ZNF423: variants seen among roughly 807,000 people sequenced by gnomAD.
The protein encoded by ZNF423 is Ebf-associated zinc finger protein.
Under a neutral mutation model 95.8 loss-of-function variants are expected in ZNF423, and 12 were observed. The ratio of observed to expected loss-of-function variants is 0.13; its 90% CI spans 0.08 to 0.20. The LOEUF (loss-of-function observed/expected upper bound fraction) is 0.20. ZNF423 is among the 10% of genes least tolerant of loss of function. The pLI, the probability that ZNF423 is intolerant of heterozygous loss-of-function variation, is 1.00. For synonymous variants in ZNF423, 749 were observed against 711.9 expected (o/e 1.05, Z -0.83); for missense variants, 1,316 against 1,737.1 (o/e 0.76, Z 4.31).
intron 5 of ZNF423, among the ~76,000 whole-genome samples, chr16:49,526,028 G>A (rs1277382133): frequency 6.6e-6 from 1 of 152,150 alleles, no homozygotes; most frequent in Non-Finnish European, 1.5e-5. Flanking sequence ...AGGAGGTGAT[G>A]TGAATACATG....
At chr16:49,723,516 C>T (rs368569835) in intron 3 of ZNF423, among the ~76,000 whole-genome samples, 3 of 152,120 alleles carry the variant, frequency 2.0e-5, no homozygotes, top group African/African-American at 7.2e-5. Context: ...GTGTCCCTGG[C>T]TTGATTTACT....
At chr16:49,727,469 C>T (rs949453854) in intron 3 of ZNF423, among the ~76,000 whole-genome samples, 2 of 148,160 alleles carry the variant, frequency 1.3e-5, no homozygotes, top group East Asian at 2.0e-4. Flanking sequence ...GGGAGCAAAA[C>T]GCTGCCCCCA....
At chr16:49,677,753 CAAAAA>C (rs776853564) in intron 3 of ZNF423, among the ~76,000 whole-genome samples, 4 of 84,696 alleles carry the variant, frequency 4.7e-5, no homozygotes, top group African/African-American at 1.1e-4. Flanking sequence ...GACCCTGTCT[CAAAAA>C]AAAAAAAAAA....
chr16:49,790,310 A>G (rs1280993226), intron 1 of ZNF423, among the ~76,000 whole-genome samples: 1 of 152,244 alleles, frequency 6.6e-6, no homozygotes, highest in African/African-American at 2.4e-5. Context: ...TGAAGCCACC[A>G]TGAACCACCC....
chr16:49,651,619 C>T (rs984191772), intron 3 of ZNF423, among the ~76,000 whole-genome samples: 22 of 152,182 alleles, frequency 1.4e-4, no homozygotes, highest in African/African-American at 5.1e-4. Flanking sequence ...GATGGAGAAA[C>T]CTGTCTCAGT....
At chr16:49,527,495 C>G (rs1968661536) in intron 5 of ZNF423, among the ~76,000 whole-genome samples, 1 of 152,096 alleles carries the variant, frequency 6.6e-6, no homozygotes, top group Non-Finnish European at 1.5e-5. Flanking sequence ...CCTGCACAAA[C>G]AACATTGCCC....
chr16:49,732,783 GC>G (rs1454039359), intron 2 of ZNF423, among the ~76,000 whole-genome samples: 1 of 152,182 alleles, frequency 6.6e-6, no homozygotes, highest in African/African-American at 2.4e-5. Flanking sequence ...CACAGAACAT[GC>G]CCTTCCAAGC....
chr16:49,815,513 G>A (rs951472612), intron 1 of ZNF423, among the ~76,000 whole-genome samples: 2 of 152,158 alleles, frequency 1.3e-5, no homozygotes, highest in Non-Finnish European at 2.9e-5. Flanking sequence ...GCACAGGGAA[G>A]TGGTATGACG....
chr16:49,771,546 G>T (rs2034035427), intron 2 of ZNF423, among the ~76,000 whole-genome samples: 1 of 152,126 alleles, frequency 6.6e-6, no homozygotes, highest in African/African-American at 2.4e-5. Flanking sequence ...TGTGTTGTGG[G>T]AGGGACCCTG....
intron 5 of ZNF423, among the ~76,000 whole-genome samples, chr16:49,579,267 C>T (rs12931370): frequency 7.1e-6 from 1 of 141,542 alleles, no homozygotes; most frequent in Non-Finnish European, 1.5e-5. Flanking sequence ...TAGCTGCCTA[C>T]CCTCCAGAAG....
chr16:49,712,115 G>A (rs1015559433), intron 3 of ZNF423, among the ~76,000 whole-genome samples: 33 of 152,032 alleles, frequency 2.2e-4, no homozygotes, highest in East Asian at 3.9e-4. Context: ...AGACCCTGTC[G>A]CTATTTAAAA....
intron 3 of ZNF423, among the ~76,000 whole-genome samples, chr16:49,642,057 A>G (rs1459385399): frequency 6.6e-6 from 1 of 152,254 alleles, no homozygotes; most frequent in Non-Finnish European, 1.5e-5. Context: ...AATAATAAGA[A>G]TTAGTACTAA....
intron 5 of ZNF423, among the ~76,000 whole-genome samples, chr16:49,600,502 C>G (rs1362974028): frequency 1.3e-5 from 2 of 152,056 alleles, no homozygotes; most frequent in African/African-American, 4.8e-5. Flanking sequence ...TAACCAGCCT[C>G]ACAATTCTAA....
chr16:49,751,480 G>A (rs2033632549), intron 2 of ZNF423, among the ~76,000 whole-genome samples: 1 of 152,156 alleles, frequency 6.6e-6, no homozygotes, highest in South Asian at 2.1e-4. Context: ...ACTTTGGGAG[G>A]CAGAGATGGG....
chr16:49,776,326 C>T (rs988377246), intron 2 of ZNF423, among the ~76,000 whole-genome samples: 2 of 152,138 alleles, frequency 1.3e-5, no homozygotes, highest in African/African-American at 4.8e-5. Context: ...GGTGGGGAGG[C>T]GATGCCCTGC....
At chr16:49,554,509 G>A (rs1232241472) in intron 5 of ZNF423, among the ~76,000 whole-genome samples, 2 of 152,044 alleles carry the variant, frequency 1.3e-5, no homozygotes, top group African/African-American at 4.8e-5. Flanking sequence ...GAATCGACTG[G>A]GCAGTGGGTG....
In ZNF423 at chr16:49,855,529, G is replaced by GCCGCCGCCGCCT. The variant is rs1430276874; in HGVS notation, c.40+205_40+206insAGGCGGCGGCGG. ...TACCCCCTCCGCCGCCGCCGCCGCCGCCGCCGCCTCCGCCTCCTGCTCCCG... is the reference window on the plus strand; with the variant it reads ...TACCCCCTCCGCCGCCGCCGCCGCCGCCGCCGCCGCCTCCGCCGCCTCCGCCTCCTGCTCCCG... On this transcript the variant is annotated intron_variant, in intron 1 of 7. Transcript: ENST00000563137. This position sits in a 1 kb window ranked among gnomAD's most constrained non-coding sequence, Gnocchi z 4.7. 1.4e-5 allele frequency among the ~76,000 whole-genome samples: 2 copies of GCCGCCGCCGCCT among 146,428 alleles called. No homozygotes were observed. Among genetic ancestry groups the GCCGCCGCCGCCT allele is most frequent in the African/African-American group, 5.1e-5 (2 of 39,420 alleles).
chr16:49,746,559 C>A (rs2143535596), intron 2 of ZNF423, among the ~76,000 whole-genome samples: 1 of 152,236 alleles, frequency 6.6e-6, no homozygotes, highest in African/African-American at 2.4e-5. Context: ...CTCACTGCAA[C>A]CTCCGCCTCC....
chr16:49,698,140 A>T (rs1193874853), intron 3 of ZNF423, among the ~76,000 whole-genome samples: 1 of 152,148 alleles, frequency 6.6e-6, no homozygotes, highest in African/African-American at 2.4e-5. Flanking sequence ...GAGCTCCCGG[A>T]GTGACACGTC....
Sources: allele counts gnomAD v4.1 joint callset (sites outside exome capture counted in the v4.1 genomes callset), GRCh38; gene constraint gnomAD v4.1.1; non-coding constraint Gnocchi (gnomAD v3.1); transcripts MANE v1.5; gene names NCBI Gene and HGNC (gene_info 2026-07-23, HGNC 2026-07-21).